Variants in ARMCX4 observed in about 807,000 individuals in gnomAD.
The protein encoded by ARMCX4 is armadillo repeat containing X-linked 4.
ARMCX4 carries 3 observed loss-of-function variants against 34.7 expected under a neutral mutation model. The ratio of observed to expected loss-of-function variants is 0.09; its 90% CI spans 0.04 to 0.22. The LOEUF is 0.22. Among genes scored for constraint, ARMCX4 ranks in the 10% least tolerant of loss-of-function variants. The pLI is 1.00. For missense variants in ARMCX4, 1,448 were observed against 1,720.8 expected (o/e 0.84, Z 2.81); for synonymous variants, 513 against 632.8 (o/e 0.81, Z 2.84).
rs1208273698 is a variant in ARMCX4 at position 101,488,542 on chromosome X, G to A, written c.-48G>A. 6 of 1,153,854 alleles carry A rather than the reference G, an allele frequency of 5.2e-6. No individual in the cohort carries two copies. Among genetic ancestry groups the A allele is most frequent in the South Asian group, 1.9e-5 (1 of 52,504 alleles). On this transcript the variant is annotated 5_prime_UTR_variant, in exon 6 of 6. Transcript: ENST00000423738. ...ACTACCACTCTCTTTACCCCAGCCC[G>A]AGTGCGCTCTACCATACCTTGTTCG...
At chrX:101,526,077 C>T (rs1934966040) in intron 11 of ARMCX4, among the ~76,000 whole-genome samples, 1 of 111,155 alleles carries the variant, frequency 9.0e-6, no homozygotes, top group African/African-American at 3.3e-5. Context: ...TAAGGGCAGC[C>T]AGAGAGAAAG....
intron 2 of ARMCX4, among the ~76,000 whole-genome samples, chrX:101,441,331 A>G (rs1362338933): frequency 9.0e-6 from 1 of 110,808 alleles, no homozygotes; most frequent in East Asian, 2.8e-4. Flanking sequence ...AAATCCCAGG[A>G]GTGCCTGGCT....
chrX:101,433,971 G>C (rs1231393450), intron 2 of ARMCX4, among the ~76,000 whole-genome samples: 1 of 107,861 alleles, frequency 9.3e-6, no homozygotes, highest in Non-Finnish European at 1.9e-5. Flanking sequence ...TCCGAGATGG[G>C]GTCTGGCTCT....
intron 2 of ARMCX4, among the ~76,000 whole-genome samples, chrX:101,437,389 G>A (rs1333811595): frequency 3.6e-5 from 4 of 111,795 alleles, no homozygotes; most frequent in Non-Finnish European, 7.5e-5. Flanking sequence ...TGTATGTGTC[G>A]AGGAGTTTAT....
At chrX:101,449,679 T>C (rs1295554500), downstream of ARMCX4, among the ~76,000 whole-genome samples, 3 of 112,452 alleles carry the variant, frequency 2.7e-5, no homozygotes, top group African/African-American at 9.7e-5. Context: ...GTCTAAAAGA[T>C]AGCATGTCTC....
chrX:101,475,232 T>C (rs1334312753), intron 4 of ARMCX4, among the ~76,000 whole-genome samples: 1 of 110,921 alleles, frequency 9.0e-6, no homozygotes, highest in Non-Finnish European at 1.9e-5. Flanking sequence ...GGAGGATCCT[T>C]GAGCCCTGGG....
chrX:101,460,836 A>T (rs1023489283), intron 4 of ARMCX4, among the ~76,000 whole-genome samples: 21 of 111,450 alleles, frequency 1.9e-4, no homozygotes, highest in Admixed American at 1.3e-3. Flanking sequence ...AGCCTCTAAG[A>T]CGGTGATCTC....
chrX:101,479,390 G>A (rs1217154627), intron 4 of ARMCX4, among the ~76,000 whole-genome samples: 1 of 107,418 alleles, frequency 9.3e-6, no homozygotes, highest in Non-Finnish European at 1.9e-5. Flanking sequence ...GCACAAAAGA[G>A]GATGTGAATA....
intron 4 of ARMCX4, among the ~76,000 whole-genome samples, chrX:101,479,799 C>A (rs1239152075): frequency 3.6e-5 from 4 of 110,509 alleles, no homozygotes; most frequent in African/African-American, 1.3e-4. Flanking sequence ...AAATTGGATG[C>A]AATCCTAATG....
At chrX:101,431,700 T>C (rs62600845) in intron 2 of ARMCX4, among the ~76,000 whole-genome samples, 7,147 of 110,418 alleles carry the variant, frequency 0.065, 225 homozygotes, top group South Asian at 0.28. Context: ...CCCGCCACCA[T>C]GCCCGGCTAA....
downstream of ARMCX4, among the ~76,000 whole-genome samples, chrX:101,450,537 C>G (rs1263633245): frequency 9.0e-6 from 1 of 111,673 alleles, no homozygotes; most frequent in African/African-American, 3.3e-5. Flanking sequence ...TCAGGGACCC[C>G]AAGAACCCAC....
intron 2 of ARMCX4, among the ~76,000 whole-genome samples, chrX:101,438,323 G>A (rs925362967): frequency 8.9e-6 from 1 of 112,020 alleles, no homozygotes; most frequent in Admixed American, 9.5e-5. Context: ...CCAGCACTTT[G>A]GGAGGCTGAA....
At chrX:101,468,645 G>A (rs782011192) in intron 4 of ARMCX4, among the ~76,000 whole-genome samples, 10 of 105,334 alleles carry the variant, frequency 9.5e-5, no homozygotes, top group African/African-American at 1.7e-4. Context: ...ATGGAGTCTC[G>A]CTCTGTCACC....
intron 4 of ARMCX4, among the ~76,000 whole-genome samples, chrX:101,476,895 A>G (rs181337645): frequency 8.9e-6 from 1 of 111,838 alleles, no homozygotes; most frequent in Non-Finnish European, 1.9e-5. Context: ...AATACAATTG[A>G]TTGATACAAG....
chrX:101,507,590 C>G (rs1934482671), intron 8 of ARMCX4, among the ~76,000 whole-genome samples: 1 of 111,115 alleles, frequency 9.0e-6, no homozygotes, highest in African/African-American at 3.3e-5. Flanking sequence ...CATGTTGGAT[C>G]TTGCTTTCCC....
intron 11 of ARMCX4, among the ~76,000 whole-genome samples, chrX:101,521,758 AT>A (rs1934858689): frequency 9.0e-6 from 1 of 110,894 alleles, no homozygotes; most frequent in Admixed American, 9.7e-5. Flanking sequence ...TTTCTAACTT[AT>A]TTTGTTTGAC....
chrX:101,527,200 A>C (rs1556020809), intron 11 of ARMCX4, among the ~76,000 whole-genome samples: 1 of 112,227 alleles, frequency 8.9e-6, no homozygotes, highest in African/African-American at 3.2e-5. Flanking sequence ...GCACAACTAC[A>C]TGGAAACTGA....
intron 4 of ARMCX4, among the ~76,000 whole-genome samples, chrX:101,466,601 T>C (rs782706112): frequency 1.8e-5 from 2 of 112,421 alleles, no homozygotes; most frequent in South Asian, 3.7e-4. Flanking sequence ...AAAAGCACTA[T>C]GTTAAATGAA....
rs989852895 is a variant in ARMCX4 at position 101,528,980 on chromosome X, A to G, written c.*1781-2664A>G. On this transcript the variant is annotated intron_variant and NMD_transcript_variant, in intron 11 of 12. Transcript: ENST00000354842. Reference sequence around the variant, plus strand: ...ACTTTCTTCACAGAACTGGAAAAAAATACTTTAAAGTTAATATGGAACCAA... The same window carrying G: ...ACTTTCTTCACAGAACTGGAAAAAAGTACTTTAAAGTTAATATGGAACCAA... Among the ~76,000 whole-genome samples the G allele has an allele frequency of 8.9e-4, 99 of 111,585 alleles. 1 individual carries two copies. The highest frequency in any genetic ancestry group is 3.1e-3 in the African/African-American group (94 of 30,719).
Sources: allele counts gnomAD v4.1 joint callset (sites outside exome capture counted in the v4.1 genomes callset), GRCh38; gene constraint gnomAD v4.1.1; transcripts MANE v1.5; gene names NCBI Gene and HGNC (gene_info 2026-07-23, HGNC 2026-07-21).